Variants in BAZ1A observed in about 807,000 individuals in gnomAD.
BAZ1A encodes the protein bromodomain adjacent to zinc finger domain protein 1A.
BAZ1A carries 50 observed loss-of-function variants against 185.2 expected under a neutral mutation model. That is an observed-to-expected ratio of 0.27 (90% CI 0.22 to 0.34). BAZ1A has a LOEUF of 0.34. Ranked by LOEUF, BAZ1A falls within the 10% of genes least tolerant of loss-of-function variation. The pLI, the probability that BAZ1A is intolerant of heterozygous loss-of-function variation, is 1.00. For missense variants in BAZ1A, 1,356 were observed against 1,839.9 expected (o/e 0.74, Z 4.81); for synonymous variants, 571 against 615.6 (o/e 0.93, Z 1.07).
At chr14:34,824,643 G>C (rs1328497569) in intron 4 of BAZ1A, among the ~76,000 whole-genome samples, 2 of 152,154 alleles carry the variant, frequency 1.3e-5, no homozygotes, top group African/African-American at 4.8e-5. Flanking sequence ...CCTGATCACA[G>C]TCAATTCTCA....
intron 15 of BAZ1A, 107 bp from the exon 16 acceptor site, chr14:34,783,339 A>G (rs1880172036): frequency 1.4e-6 from 1 of 714,586 alleles, no homozygotes; most frequent in South Asian, 1.8e-5. Flanking sequence ...ACATTATTAT[A>G]AAACTATAAT....
intron 12 of BAZ1A, 127 bp downstream of exon 12, chr14:34,792,648 A>G (rs1357513426): frequency 4.5e-6 from 5 of 1,105,806 alleles, no homozygotes; most frequent in Non-Finnish European, 6.5e-6. Context: ...ATATGATTCA[A>G]CATCAGGTAA....
At chr14:34,792,582 C>T (rs1880921907) in intron 12 of BAZ1A, among the ~76,000 whole-genome samples, 193 bp downstream of exon 12, 1 of 152,114 alleles carries the variant, frequency 6.6e-6, no homozygotes. Flanking sequence ...TTAAGGTTGT[C>T]AGACACAGGT....
chr14:34,817,722 A>G (rs2042028462), intron 4 of BAZ1A, among the ~76,000 whole-genome samples: 1 of 150,536 alleles, frequency 6.6e-6, no homozygotes, highest in East Asian at 1.9e-4. Context: ...ACAAATGGCC[A>G]TAAGCACATG....
At chr14:34,834,208 T>G (rs1958829378) in intron 3 of BAZ1A, among the ~76,000 whole-genome samples, 1 of 152,206 alleles carries the variant, frequency 6.6e-6, no homozygotes, top group African/African-American at 2.4e-5. Flanking sequence ...TTACTAAGGC[T>G]TCTGGGAAGT....
At position 34,807,543 on chromosome 14, in the gene BAZ1A, A is replaced by T. The variant is rs1401583570; in HGVS notation, c.639-5T>A. The T allele has an allele frequency of 6.2e-7, 1 of 1,608,152 alleles. No individual in the cohort carries two copies. The highest frequency in any genetic ancestry group is 2.2e-5 in the East Asian group (1 of 44,756). ...GAAAATAGGTGTTTTCTCCGGCTAC[A>T]GGAGGCAAGGAAGTCAAAGAGGGGT... On this transcript the variant is annotated splice_polypyrimidine_tract_variant and splice_region_variant and intron_variant, in intron 5 of 26. Transcript: ENST00000360310.
chr14:34,845,941 G>T (rs1009645776), intron 3 of BAZ1A, among the ~76,000 whole-genome samples: 2 of 151,604 alleles, frequency 1.3e-5, no homozygotes, highest in African/African-American at 2.4e-5. Context: ...GGCAGAAAAA[G>T]ATGTAGGAGA....
At position 34,765,209 on chromosome 14, in the gene BAZ1A, G is replaced by A. The variant is rs1878754989; in HGVS notation, c.3361C>T (p.Leu1121Phe). 2.5e-6 allele frequency: 4 copies of A among 1,614,150 alleles called. No individual in the cohort carries two copies. The highest frequency in any genetic ancestry group is 3.3e-5 in the Admixed American group (2 of 60,016). ...TVLDRWRESLLSSASLSQVFL... is the reference protein window; with the variant it reads ...TVLDRWRESLFSSASLSQVFL... Reference sequence around the variant, plus strand: ...ACTTGGGATAGACTAGCAGAAGAAAGGAGAGACTCTCTCCAACGGTCCAGA... The same window carrying A: ...ACTTGGGATAGACTAGCAGAAGAAAAGAGAGACTCTCTCCAACGGTCCAGA... Residue 1121 changes from leucine to phenylalanine, a missense_variant, in exon 22 of 27, where the codon CTT becomes TTT. Leu to Phe is a conservative substitution (Grantham distance 22). Around this residue, in one of 7 missense-constraint regions of BAZ1A, gnomAD observed 434 missense variants for 561.7 expected, o/e 0.77. Coordinates refer to ENST00000360310, the MANE Select transcript of BAZ1A (RefSeq NM_013448.3).
chr14:34,846,710 G>A (rs2042517945), intron 3 of BAZ1A, among the ~76,000 whole-genome samples: 1 of 152,032 alleles, frequency 6.6e-6, no homozygotes, highest in Non-Finnish European at 1.5e-5. Flanking sequence ...AATGTTAACT[G>A]TTCAACTTGC....
chr14:34,787,891 C>A (rs1225296649), intron 12 of BAZ1A, among the ~76,000 whole-genome samples: 1 of 152,190 alleles, frequency 6.6e-6, no homozygotes, highest in East Asian at 1.9e-4. Flanking sequence ...TATGAAAAAC[C>A]CTTCTGTTAT....
At chr14:34,793,699 C>T (rs1245512246) in intron 11 of BAZ1A, among the ~76,000 whole-genome samples, 2 of 152,180 alleles carry the variant, frequency 1.3e-5, no homozygotes, top group Admixed American at 1.3e-4. Flanking sequence ...AATCCCAGCA[C>T]TTTGGGAGGC....
At chr14:34,873,730 C>T (rs896525318) in intron 2 of BAZ1A, among the ~76,000 whole-genome samples, 1 of 152,178 alleles carries the variant, frequency 6.6e-6, no homozygotes, top group African/African-American at 2.4e-5. Context: ...GCCGCGACTT[C>T]TTCCTCACTG....
chr14:34,803,423 T>G (rs1881682207), intron 6 of BAZ1A, among the ~76,000 whole-genome samples: 1 of 151,630 alleles, frequency 6.6e-6, no homozygotes, highest in African/African-American at 2.4e-5. Context: ...CATTAGAATT[T>G]TATGCATTAT....
chr14:34,810,775 A>G (rs1229705489), intron 5 of BAZ1A, among the ~76,000 whole-genome samples, 160 bp downstream of exon 5: 1 of 152,182 alleles, frequency 6.6e-6, no homozygotes, highest in Non-Finnish European at 1.5e-5. Context: ...CAGGATTCTT[A>G]GGATTTATTT....
At position 34,759,171 on chromosome 14, in the gene BAZ1A, G is replaced by GTTTT. The variant is rs780287749; in HGVS notation, c.4244-329_4244-326dup. Among the ~76,000 whole-genome samples the GTTTT allele has an allele frequency of 1.2e-4, 8 of 66,468 alleles. 1 individual carries two copies. The highest frequency in any genetic ancestry group is 1.2e-3 in the East Asian group (2 of 1,624). The allele number at this position is 66,468 out of a possible 152,430, so 43.6% of individuals were successfully genotyped here. On this transcript the variant is annotated intron_variant, in intron 24 of 26. Coordinates refer to ENST00000360310, the MANE Select transcript of BAZ1A (RefSeq NM_013448.3). ...TTATTAAAAATACTTTACAGCTACAGTTTTTTTTTTTTTTTTTTTTTTTTT... is the reference window on the plus strand; with the variant it reads ...TTATTAAAAATACTTTACAGCTACAGTTTTTTTTTTTTTTTTTTTTTTTTTTTTT...
chr14:34,851,671 G>C (rs866316211), intron 3 of BAZ1A, among the ~76,000 whole-genome samples: 22 of 151,890 alleles, frequency 1.4e-4, no homozygotes, highest in African/African-American at 5.3e-4. Flanking sequence ...AAGACAATGA[G>C]AACAAGGCAC....
chr14:34,824,408 C>CAACAAAA (rs2042134375), intron 4 of BAZ1A, among the ~76,000 whole-genome samples: 1 of 65,772 alleles, frequency 1.5e-5, no homozygotes, highest in African/African-American at 6.6e-5. Flanking sequence ...AGCAGCAACT[C>CAACAAAA]AAAAAAAAAA....
chr14:34,789,820 A>G (rs1266068244), intron 12 of BAZ1A, among the ~76,000 whole-genome samples: 2 of 152,230 alleles, frequency 1.3e-5, no homozygotes, highest in African/African-American at 2.4e-5. Flanking sequence ...AGAAACAAAT[A>G]TTCAAAATTT....
At chr14:34,786,273 G>T (rs577431179) in intron 12 of BAZ1A, 52 bp from the exon 13 acceptor site, 103 of 1,495,220 alleles carry the variant, frequency 6.9e-5, no homozygotes, top group Non-Finnish European at 1.2e-5. Flanking sequence ...TTGAATATTT[G>T]GGAATAATGC....
Sources: allele counts gnomAD v4.1 joint callset (sites outside exome capture counted in the v4.1 genomes callset), GRCh38; gene constraint gnomAD v4.1.1; regional missense constraint gnomAD v4.1.1; transcripts MANE v1.5; gene names NCBI Gene and HGNC (gene_info 2026-07-23, HGNC 2026-07-21).